DOCK10: variants seen among roughly 807,000 people sequenced by gnomAD.
DOCK10 encodes dedicator of cytokinesis protein 10.
Under a neutral mutation model 280.1 loss-of-function variants are expected in DOCK10, and 145 were observed. That is an observed-to-expected ratio of 0.52 (90% CI 0.45 to 0.59). The LOEUF is 0.59. Among genes scored for constraint, DOCK10 ranks in the 20% least tolerant of loss-of-function variants. The probability of loss-of-function intolerance (pLI) is 0.00; values close to 1 mark genes in which losing one functional copy is unlikely to be tolerated. For missense variants in DOCK10, 2,368 were observed against 2,651.7 expected (o/e 0.89, Z 2.35); for synonymous variants, 915 against 942.2 (o/e 0.97, Z 0.53).
At chr2:225,021,798 T>A (rs1206661922) in intron 1 of DOCK10, among the ~76,000 whole-genome samples, 1 of 152,238 alleles carries the variant, frequency 6.6e-6, no homozygotes, top group Non-Finnish European at 1.5e-5. Context: ...TCTTCAGTAT[T>A]GTTAAGAAAA....
chr2:224,790,207 A>G (rs984628633), intron 47 of DOCK10, among the ~76,000 whole-genome samples: 3 of 152,262 alleles, frequency 2.0e-5, no homozygotes, highest in Non-Finnish European at 2.9e-5. Context: ...GATAATGGGT[A>G]ACATTCCCAG....
intron 31 of DOCK10, among the ~76,000 whole-genome samples, chr2:224,811,515 T>C (rs1285298511): frequency 6.6e-6 from 1 of 151,808 alleles, no homozygotes; most frequent in African/African-American, 2.4e-5. Flanking sequence ...CAATTTTGGC[T>C]TTTGTTGCCA....
At chr2:225,025,876 A>G (rs62188028) in intron 1 of DOCK10, among the ~76,000 whole-genome samples, 2,179 of 152,306 alleles carry the variant, frequency 0.014, 22 homozygotes, top group Non-Finnish European at 0.023. Context: ...CTAACCAAGA[A>G]TCATTTATGA....
chr2:224,973,562 C>G (rs1259949445), intron 1 of DOCK10, among the ~76,000 whole-genome samples: 1 of 152,120 alleles, frequency 6.6e-6, no homozygotes, highest in African/African-American at 2.4e-5. Context: ...TCTCCCCTAG[C>G]ACCCCGAGAA....
At chr2:224,849,842 G>A (rs1035350393) in intron 18 of DOCK10, among the ~76,000 whole-genome samples, 1 of 152,128 alleles carries the variant, frequency 6.6e-6, no homozygotes, top group Non-Finnish European at 1.5e-5. Flanking sequence ...TAATACGCCA[G>A]GGCCAAATAC....
chr2:224,983,597 T>A (rs1705861337), intron 1 of DOCK10: 1 of 333,554 alleles, frequency 3.0e-6, no homozygotes, highest in Non-Finnish European at 6.1e-6. Context: ...CTGTAACGTG[T>A]GGCCGCCCCA....
At chr2:224,766,767 A>G (rs373475315) in intron 55 of DOCK10, among the ~76,000 whole-genome samples, 1 of 152,240 alleles carries the variant, frequency 6.6e-6, no homozygotes, top group South Asian at 2.1e-4. Context: ...CTGAATGCTT[A>G]TATGCATTAC....
chr2:224,813,336 C>T (rs1446807376), intron 31 of DOCK10, among the ~76,000 whole-genome samples: 6 of 152,174 alleles, frequency 3.9e-5, no homozygotes, highest in African/African-American at 1.4e-4. Flanking sequence ...GCTGAGGTTA[C>T]AGACATGTGC....
rs1189781461 is a variant in DOCK10 at position 224,765,799 on chromosome 2, G to A, written c.6483C>T (p.Asp2161=). ...GRDDLSKRGV[D]QTCTRVISKA... ...TGCTAATTACTCGAGTGCAGGTTTG[G>A]TCCACTCCGCGCTTTGACAGGTCGT... is the stretch of plus-strand genomic sequence containing the variant. The change falls in exon 56 of 56, where the codon GAC becomes GAT. Residue 2161 remains aspartate (D), a synonymous_variant. Transcript: ENST00000258390. 1 of 1,613,804 alleles carries A rather than the reference G, an allele frequency of 6.2e-7. No homozygotes were observed.
At chr2:224,865,361 A>C (rs1298285749) in intron 11 of DOCK10, among the ~76,000 whole-genome samples, 1 of 152,134 alleles carries the variant, frequency 6.6e-6, no homozygotes, top group Admixed American at 6.5e-5. Flanking sequence ...TATTTCCCTT[A>C]CAGTCTTAGA....
chr2:224,928,426 T>C (rs2126007950), intron 2 of DOCK10, among the ~76,000 whole-genome samples: 1 of 152,348 alleles, frequency 6.6e-6, no homozygotes, highest in South Asian at 2.1e-4. Context: ...GAATTTCAGA[T>C]AATTTTAATG....
At chr2:224,885,356 C>T (rs1699216418) in intron 7 of DOCK10, among the ~76,000 whole-genome samples, 2 of 152,190 alleles carry the variant, frequency 1.3e-5, no homozygotes. Flanking sequence ...ATGCTCTTCT[C>T]CCTTATTGAG....
In DOCK10 at chr2:224,816,702, C is replaced by T. The variant is rs778642902; in HGVS notation, c.3279G>A (p.Gln1093=). ...CTTCTTGAAGAAAATCAAATTTATA[C>T]TGGCACAAGGTCTGAAAGAGAGGCA... ...FSSGDLKTLC[Q]YKFDFLQEVC... The change falls in exon 30 of 56, where the codon CAG becomes CAA. Residue 1093 remains glutamine (Q), a synonymous_variant. Transcript: ENST00000258390. 6 of 1,595,056 alleles carry T rather than the reference C, an allele frequency of 3.8e-6. No homozygotes were observed. The African/African-American group carries it at 4.0e-5, about 11-fold the overall frequency.
At chr2:224,809,185 T>C (rs1693603654) in intron 31 of DOCK10, among the ~76,000 whole-genome samples, 1 of 152,204 alleles carries the variant, frequency 6.6e-6, no homozygotes, top group African/African-American at 2.4e-5. Flanking sequence ...ATAATGGATT[T>C]ATTCAAATTG....
At chr2:224,982,158 TATA>T in intron 1 of DOCK10, 1 of 1,214,216 alleles carries the variant, frequency 8.2e-7, no homozygotes, top group South Asian at 4.2e-5. Flanking sequence ...GTAACCTCTC[TATA>T]ATAACAGTTC....
At chr2:224,765,938 G>T in intron 55 of DOCK10, 101 bp from the exon 56 acceptor site, 1 of 774,608 alleles carries the variant, frequency 1.3e-6, no homozygotes, top group Non-Finnish European at 2.0e-6. Flanking sequence ...ATTCCCCACA[G>T]GGTAATTTAT....
intron 50 of DOCK10, among the ~76,000 whole-genome samples, chr2:224,785,202 A>T (rs1471280910): frequency 6.6e-6 from 1 of 152,074 alleles, no homozygotes; most frequent in African/African-American, 2.4e-5. Context: ...CCTCTTCTGA[A>T]GGTTCTCACA....
rs1029486955 is a variant in DOCK10, at chr2:225,001,119, A to G, written c.123+41133T>C. ...TTATTATGGGCAGTGATATTTTATC[A>G]GTACTTTAAAGTGACTGGTTAGCTA... On this transcript the variant is annotated intron_variant, in intron 1 of 55. Coordinates refer to ENST00000258390, the MANE Select transcript of DOCK10 (RefSeq NM_014689.3). 2.0e-5 allele frequency among the ~76,000 whole-genome samples: 3 copies of G among 152,238 alleles called. No individual in the cohort carries two copies. In the South Asian group the frequency reaches 6.2e-4, roughly 32 times the overall value.
chr2:224,998,671 C>T (rs983012758), intron 1 of DOCK10, among the ~76,000 whole-genome samples: 4 of 152,162 alleles, frequency 2.6e-5, no homozygotes, highest in Non-Finnish European at 5.9e-5. Flanking sequence ...TTCACCTTCC[C>T]TCACTGGCAA....
Sources: gnomAD v4.1 joint callset for allele counts (sites outside exome capture counted in the v4.1 genomes callset) on GRCh38, gnomAD v4.1.1 for gene constraint, MANE v1.5 for transcripts, NCBI Gene and HGNC (gene_info 2026-07-23, HGNC 2026-07-21) for gene names.